The following ADAMTSL1 variants were observed in gnomAD, a reference collection of about 807,000 sequenced individuals.
The protein encoded by ADAMTSL1 is ADAMTS-like protein 1.
ADAMTSL1 carries 126 observed loss-of-function variants against 201.8 expected under a neutral mutation model. The observed-to-expected ratio is 0.62, with a 90% confidence interval of 0.54 to 0.72. The LOEUF is 0.72. Ranked by LOEUF, ADAMTSL1 falls within the 30% of genes least tolerant of loss-of-function variation. ADAMTSL1 has a pLI of 0.00. For synonymous variants in ADAMTSL1, 1,121 were observed against 903.4 expected, an observed-to-expected ratio of 1.24 and a Z score of -4.32; for missense variants, 2,679 against 2,277.8, an observed-to-expected ratio of 1.18 and a Z score of -3.59.
At chr9:18,478,948 G>T (rs1821593779) in intron 1 of ADAMTSL1, among the ~76,000 whole-genome samples, 1 of 152,182 alleles carries the variant, frequency 6.6e-6, no homozygotes, top group South Asian at 2.1e-4. Flanking sequence ...CATACCATGT[G>T]GTTGAATTTT....
chr9:18,318,472 C>G (rs573154862), intron 2 of ADAMTSL1, among the ~76,000 whole-genome samples: 47 of 152,268 alleles, frequency 3.1e-4, no homozygotes, highest in African/African-American at 1.0e-3. Context: ...TTTCAGCAAG[C>G]CTTTCAGAAA....
At chr9:18,140,810 T>C (rs541441664) in intron 1 of ADAMTSL1, among the ~76,000 whole-genome samples, 1 of 152,120 alleles carries the variant, frequency 6.6e-6, no homozygotes, top group South Asian at 2.1e-4. Context: ...CTGCACACCA[T>C]CAAAAAATTA....
intron 2 of ADAMTSL1, among the ~76,000 whole-genome samples, chr9:18,217,730 C>G (rs1203542204): frequency 1.3e-5 from 2 of 152,134 alleles, no homozygotes; most frequent in Non-Finnish European, 2.9e-5. Flanking sequence ...TCATTGTGCT[C>G]TATGATCTTA....
chr9:18,516,565 C>T (rs1440357156), intron 2 of ADAMTSL1, among the ~76,000 whole-genome samples: 1 of 152,172 alleles, frequency 6.6e-6, no homozygotes. Flanking sequence ...GTTTCATTGC[C>T]TACTTTGTGG....
intron 2 of ADAMTSL1, among the ~76,000 whole-genome samples, chr9:18,387,735 T>C (rs1341807792): frequency 6.6e-6 from 1 of 152,086 alleles, no homozygotes; most frequent in Admixed American, 6.5e-5. Context: ...TTAAGACAGA[T>C]TACCAGGCCA....
At chr9:18,518,656 T>C (rs1818504783) in intron 2 of ADAMTSL1, among the ~76,000 whole-genome samples, 1 of 152,124 alleles carries the variant, frequency 6.6e-6, no homozygotes, top group Non-Finnish European at 1.5e-5. Context: ...TTCCTTTGGT[T>C]AGATACCCAG....
chr9:18,122,567 T>C (rs1422511285), intron 1 of ADAMTSL1, among the ~76,000 whole-genome samples: 1 of 152,210 alleles, frequency 6.6e-6, no homozygotes, highest in African/African-American at 2.4e-5. Context: ...TAAGCATAAA[T>C]GGCCTAAGTT....
chr9:18,793,533 C>T (rs1453718597), intron 19 of ADAMTSL1, among the ~76,000 whole-genome samples: 8 of 152,156 alleles, frequency 5.3e-5, no homozygotes, highest in Admixed American at 4.6e-4. Context: ...TGTTTCCCCA[C>T]CCTCTCACTT....
chr9:18,559,455 TG>T (rs1217731668), intron 3 of ADAMTSL1, among the ~76,000 whole-genome samples: 1 of 152,210 alleles, frequency 6.6e-6, no homozygotes, highest in Admixed American at 6.5e-5. Context: ...CCTCCAGCTT[TG>T]TTCTTTTTGC....
intron 2 of ADAMTSL1, among the ~76,000 whole-genome samples, chr9:18,462,156 G>A (rs574963674): frequency 6.6e-6 from 1 of 152,210 alleles, no homozygotes; most frequent in African/African-American, 2.4e-5. Context: ...GTGTGCTTAA[G>A]GTATACAGAA....
At chr9:18,449,091 G>A (rs111413445) in intron 2 of ADAMTSL1, among the ~76,000 whole-genome samples, 5 of 130,518 alleles carry the variant, frequency 3.8e-5, no homozygotes, top group East Asian at 5.2e-4. Context: ...TTTAACTTCC[G>A]CATTTATTCA....
Position 18,775,811 on chromosome 9 carries a change from C to A in ADAMTSL1, c.2466C>A (p.Gly822=). The A allele has an allele frequency of 6.2e-7, 1 of 1,611,232 alleles. No individual in the cohort carries two copies. Among genetic ancestry groups the A allele is most frequent in the Non-Finnish European group, 8.5e-7 (1 of 1,178,632 alleles). ...SAICRKMLKT[G]LSTVVNSTLC... is the part of the protein sequence containing the mutation. ...TTTGCCGAAAGATGCTGAAAACCGG[C>A]CTCTCAACGGTTGTCAATTCCACCC... is the stretch of plus-strand genomic sequence containing the variant. The change falls in exon 18 of 29, where the codon GGC becomes GGA. Residue 822 remains glycine, a synonymous_variant. Transcript: ENST00000380548.
At chr9:18,254,911 T>A (rs1180930529) in intron 2 of ADAMTSL1, among the ~76,000 whole-genome samples, 1 of 152,120 alleles carries the variant, frequency 6.6e-6, no homozygotes, top group Non-Finnish European at 1.5e-5. Flanking sequence ...AAATTGGTAA[T>A]CTTCCCTTGT....
At chr9:18,734,137 C>A (rs1818376877) in intron 15 of ADAMTSL1, among the ~76,000 whole-genome samples, 1 of 152,118 alleles carries the variant, frequency 6.6e-6, no homozygotes, top group African/African-American at 2.4e-5. Context: ...CTCTTTAACC[C>A]CAGAGAGTGG....
At chr9:18,817,600 G>A (rs1375442478) in intron 21 of ADAMTSL1, among the ~76,000 whole-genome samples, 2 of 152,234 alleles carry the variant, frequency 1.3e-5, no homozygotes, top group African/African-American at 2.4e-5. Context: ...AGAGAACTGG[G>A]TGAGCTTTGG....
intron 2 of ADAMTSL1, among the ~76,000 whole-genome samples, chr9:18,331,335 T>C (rs1399109841): frequency 1.3e-5 from 2 of 152,322 alleles, no homozygotes; most frequent in East Asian, 3.9e-4. Flanking sequence ...TGTTTAAAAC[T>C]GTATTTTAAA....
intron 2 of ADAMTSL1, among the ~76,000 whole-genome samples, chr9:18,263,773 G>C (rs956960393): frequency 6.6e-6 from 1 of 152,134 alleles, no homozygotes; most frequent in African/African-American, 2.4e-5. Flanking sequence ...GAGAAAGCTG[G>C]TTGCTCTATG....
intron 2 of ADAMTSL1, among the ~76,000 whole-genome samples, chr9:18,517,398 A>C (rs922690515): frequency 4.6e-5 from 7 of 151,608 alleles, no homozygotes; most frequent in African/African-American, 1.7e-4. Context: ...TAAACTTTTC[A>C]TCTTTTTCTT....
chr9:18,477,816 G>C (rs1821529645), intron 1 of ADAMTSL1, among the ~76,000 whole-genome samples: 1 of 152,150 alleles, frequency 6.6e-6, no homozygotes, highest in African/African-American at 2.4e-5. Flanking sequence ...GTTTCAGTGT[G>C]TTCAGGACCA....
Sources: gnomAD v4.1 joint callset for allele counts (sites outside exome capture counted in the v4.1 genomes callset) on GRCh38, gnomAD v4.1.1 for gene constraint, MANE v1.5 for transcripts, NCBI Gene and HGNC (gene_info 2026-07-23, HGNC 2026-07-21) for gene names.